SLC9A4: variants seen among roughly 807,000 people sequenced by gnomAD.
The protein encoded by SLC9A4 is sodium/hydrogen exchanger 4.
In SLC9A4, 63 loss-of-function variants were observed where a neutral mutation model predicts 67.4. The observed-to-expected ratio is 0.93, with a 90% CI of 0.76 to 1.15. The LOEUF is 1.15. SLC9A4 is among the 50% of genes most tolerant of loss of function. SLC9A4 has a pLI of 0.00. For synonymous variants in SLC9A4, 393 were observed against 367.2 expected, an observed-to-expected ratio of 1.07 and a Z score of -0.80; for missense variants, 1,089 against 987.7, an observed-to-expected ratio of 1.10 and a Z score of -1.38.
intron 2 of SLC9A4, among the ~76,000 whole-genome samples, chr2:102,481,718 T>A (rs1403117050): frequency 6.6e-6 from 1 of 152,174 alleles, no homozygotes; most frequent in South Asian, 2.1e-4. Flanking sequence ...GATTATGGTA[T>A]ATTTTACCCT....
rs530819718 is a variant in SLC9A4 at position 102,528,196 on chromosome 2, C to T, written c.2038+1850C>T. Among the ~76,000 whole-genome samples, 340 of 151,980 alleles carry T rather than the reference C, an allele frequency of 2.2e-3. 3 individuals carry two copies. The highest frequency in any genetic ancestry group is 7.8e-3 in the African/African-American group (325 of 41,456). On this transcript the variant is annotated intron_variant, in intron 11 of 11. Transcript: ENST00000295269. ...CCAATTTTTGTATTTTCAGTGGAGA[C>T]GGGGTTTCACCATGTTGGCCAGGCT...
intron 8 of SLC9A4, 76 bp from the exon 9 acceptor site, chr2:102,519,783 G>A: frequency 7.3e-7 from 1 of 1,364,090 alleles, no homozygotes; most frequent in Non-Finnish European, 1.0e-6. Flanking sequence ...TACAGAGCAA[G>A]GCCCACTGAT....
chr2:102,486,425 C>T (rs374821746), intron 2 of SLC9A4, among the ~76,000 whole-genome samples: 56 of 152,332 alleles, frequency 3.7e-4, no homozygotes, highest in East Asian at 9.6e-4. Flanking sequence ...GCCACATCTT[C>T]GTGTCTGTCT....
At chr2:102,478,613 G>A (rs73944354) in intron 1 of SLC9A4, among the ~76,000 whole-genome samples, 3,109 of 152,214 alleles carry the variant, frequency 0.02, 109 homozygotes, top group African/African-American at 0.071. Flanking sequence ...TGGGGGAGGG[G>A]GCAGCTGGCT....
intron 1 of SLC9A4, among the ~76,000 whole-genome samples, chr2:102,476,743 GGAA>G (rs1270012573): frequency 6.6e-6 from 1 of 151,926 alleles, no homozygotes; most frequent in African/African-American, 2.4e-5. Context: ...GGAGGAAAAA[GGAA>G]GAAGGAGGAG....
intron 11 of SLC9A4, among the ~76,000 whole-genome samples, chr2:102,530,313 A>G (rs936326419): frequency 3.3e-5 from 5 of 152,078 alleles, no homozygotes; most frequent in African/African-American, 1.2e-4. Context: ...GTGGGAGGTA[A>G]AAGAACACAT....
At chr2:102,522,388 A>G (rs1473923828) in intron 9 of SLC9A4, among the ~76,000 whole-genome samples, 1 of 152,186 alleles carries the variant, frequency 6.6e-6, no homozygotes, top group South Asian at 2.1e-4. Flanking sequence ...AAGCTCCACT[A>G]TAACACAGAA....
In SLC9A4 at chr2:102,473,876, G is replaced by A. The variant is rs1162258981; in HGVS notation, c.117G>A (p.Gln39=). The A allele has an allele frequency of 6.2e-7, 1 of 1,614,090 alleles. No homozygotes were observed. Among genetic ancestry groups the A allele is most frequent in the Non-Finnish European group, 8.5e-7 (1 of 1,179,956 alleles). Residue 39 remains glutamine (Q), a synonymous_variant, in exon 1 of 12, where the codon CAG becomes CAA. Transcript: ENST00000295269. ...ATGAATCTGCAAATTCCACTGCTCAGTATGCATCTAACGCTTGGTTTGCTG... is the reference window on the plus strand; with the variant it reads ...ATGAATCTGCAAATTCCACTGCTCAATATGCATCTAACGCTTGGTTTGCTG... ...DLNESANSTA[Q]YASNAWFAAA...
At chr2:102,523,036 A>T (rs1244038043) in intron 9 of SLC9A4, among the ~76,000 whole-genome samples, 1 of 151,370 alleles carries the variant, frequency 6.6e-6, no homozygotes, top group Non-Finnish European at 1.5e-5. Flanking sequence ...TGGCATGATC[A>T]TGGCTCACTG....
intron 2 of SLC9A4, among the ~76,000 whole-genome samples, chr2:102,502,869 G>T (rs1203217158): frequency 6.6e-6 from 1 of 152,236 alleles, no homozygotes; most frequent in African/African-American, 2.4e-5. Context: ...GTGGCACGTG[G>T]GTCATGCTGG....
At chr2:102,487,449 G>T (rs1684611744) in intron 2 of SLC9A4, among the ~76,000 whole-genome samples, 1 of 152,156 alleles carries the variant, frequency 6.6e-6, no homozygotes, top group South Asian at 2.1e-4. Flanking sequence ...CACTTGTGGA[G>T]TCTAAGCCAC....
chr2:102,479,690 T>G (rs965875467), intron 2 of SLC9A4, among the ~76,000 whole-genome samples: 7 of 152,240 alleles, frequency 4.6e-5, no homozygotes, highest in African/African-American at 1.7e-4. Context: ...CTCACTCTTA[T>G]TCCCTTTATA....
intron 2 of SLC9A4, among the ~76,000 whole-genome samples, chr2:102,480,984 G>A (rs188376923): frequency 6.0e-4 from 91 of 152,298 alleles, no homozygotes; most frequent in Admixed American, 1.8e-3. Context: ...CTCACAGGAG[G>A]AGATGATTGA....
intron 10 of SLC9A4, among the ~76,000 whole-genome samples, chr2:102,525,833 G>A: frequency 6.6e-6 from 1 of 152,054 alleles, no homozygotes; most frequent in East Asian, 1.9e-4. Context: ...AAAACTAAAA[G>A]CCAGTAATCC....
At chr2:102,504,621 T>G (rs1166933493) in intron 3 of SLC9A4, among the ~76,000 whole-genome samples, 3 of 152,244 alleles carry the variant, frequency 2.0e-5, no homozygotes, top group Non-Finnish European at 4.4e-5. Context: ...TTCCAGCTAT[T>G]CAGGCAGATA....
intron 1 of SLC9A4, among the ~76,000 whole-genome samples, chr2:102,474,499 C>G (rs1368525493): frequency 6.6e-6 from 1 of 152,092 alleles, no homozygotes; most frequent in African/African-American, 2.4e-5. Context: ...AAGCAAAAAA[C>G]AAGAAAACCA....
chr2:102,489,587 A>T (rs1684656462), intron 2 of SLC9A4, among the ~76,000 whole-genome samples: 1 of 152,190 alleles, frequency 6.6e-6, no homozygotes, highest in South Asian at 2.1e-4. Flanking sequence ...AATAAACAGG[A>T]TTTATTGATA....
intron 2 of SLC9A4, among the ~76,000 whole-genome samples, chr2:102,482,015 C>T (rs1523198): frequency 0.77 from 117,599 of 152,144 alleles, 46,646 homozygotes; most frequent in African/African-American, 0.92. Context: ...TGAAGCCGGA[C>T]GTCAAATCAT....
chr2:102,530,839 A>G (rs913071247), intron 11 of SLC9A4, among the ~76,000 whole-genome samples: 2 of 152,200 alleles, frequency 1.3e-5, no homozygotes, highest in African/African-American at 4.8e-5. Context: ...CCTTTGGCCA[A>G]TTTCCAAGTT....
Sources: allele counts gnomAD v4.1 joint callset (sites outside exome capture counted in the v4.1 genomes callset), GRCh38; gene constraint gnomAD v4.1.1; transcripts MANE v1.5; gene names NCBI Gene and HGNC (gene_info 2026-07-23, HGNC 2026-07-21).